Variants in GRIK2 observed in about 807,000 individuals in gnomAD.
GRIK2 encodes the protein glutamate ionotropic receptor kainate type subunit 2.
Under a neutral mutation model 100.3 loss-of-function variants are expected in GRIK2, and 32 were observed. That is an observed-to-expected ratio of 0.32 (90% CI 0.24 to 0.43). The LOEUF (loss-of-function observed/expected upper bound fraction) is 0.43. Among genes scored for constraint, GRIK2 ranks in the 20% least tolerant of loss-of-function variants. The pLI is 1.00. For missense variants in GRIK2, 843 were observed against 1,114.9 expected, an observed-to-expected ratio of 0.76 and a Z score of 3.47; for synonymous variants, 417 against 389.4, an observed-to-expected ratio of 1.07 and a Z score of -0.83.
rs76908781 is a variant in GRIK2, at chr6:101,482,319, C to T, written c.115+82927C>T. 6.7e-3 allele frequency among the ~76,000 whole-genome samples: 1,019 copies of T among 152,214 alleles called. 9 individuals are homozygous for T. The highest frequency in any genetic ancestry group is 0.023 in the African/African-American group (943 of 41,548). ...TGTTCCCTCTTCTTAATTGATTTAC[C>T]TGCTTTATCGACAGGCAAAACAGGG... On this transcript the variant is annotated intron_variant, in intron 2 of 16. Transcript: ENST00000369134.
intron 6 of GRIK2, among the ~76,000 whole-genome samples, chr6:101,685,264 T>G (rs1457414403): frequency 6.6e-6 from 1 of 152,156 alleles, no homozygotes; most frequent in Non-Finnish European, 1.5e-5. Flanking sequence ...GATTCCTATG[T>G]TTTTCATAGC....
At chr6:101,851,395 A>T (rs774909819) in intron 10 of GRIK2, among the ~76,000 whole-genome samples, 1 of 152,012 alleles carries the variant, frequency 6.6e-6, no homozygotes, top group Non-Finnish European at 1.5e-5. Flanking sequence ...TCCTAACACC[A>T]ACTTTGATTA....
rs989158898 is a variant in GRIK2, at chr6:101,921,146, T to C, written c.1749-3455T>C. On this transcript the variant is annotated intron_variant, in intron 12 of 16. Coordinates refer to ENST00000369134, the MANE Select transcript of GRIK2 (RefSeq NM_021956.5). The stretch of plus-strand genomic sequence containing the variant: ...TTTTGGGTTATGAGGCAAAGAAATA[T>C]AAAGAATGGAAGTTGATTCAAAGGA... 1.7e-4 allele frequency among the ~76,000 whole-genome samples: 26 copies of C among 152,006 alleles called. 1 individual carries two copies. The highest frequency in any genetic ancestry group is 3.9e-4 in the Admixed American group (6 of 15,246).
chr6:101,545,670 A>T (rs1776197182), intron 2 of GRIK2, among the ~76,000 whole-genome samples: 1 of 152,148 alleles, frequency 6.6e-6, no homozygotes. Context: ...ATATACTATT[A>T]TTTCATACAA....
At chr6:101,654,738 G>A (rs1781975613) in intron 4 of GRIK2, among the ~76,000 whole-genome samples, 1 of 152,050 alleles carries the variant, frequency 6.6e-6, no homozygotes, top group Admixed American at 6.6e-5. Context: ...TCTCACAGCT[G>A]AGACCTGGGT....
At chr6:101,621,511 A>G (rs1240920487) in intron 2 of GRIK2, among the ~76,000 whole-genome samples, 20 of 152,002 alleles carry the variant, frequency 1.3e-4, no homozygotes, top group Admixed American at 1.3e-3. Flanking sequence ...AATTTAACAC[A>G]TTTTTTTCAA....
intron 12 of GRIK2, 42 bp from the exon 13 acceptor site, chr6:101,924,559 A>G (rs1250797167): frequency 9.1e-6 from 9 of 984,558 alleles, no homozygotes; most frequent in South Asian, 2.7e-5. Context: ...ATTTCTTCCC[A>G]CTGCAATTTA....
chr6:101,499,752 A>G (rs1004053142), intron 2 of GRIK2, among the ~76,000 whole-genome samples: 1 of 152,100 alleles, frequency 6.6e-6, no homozygotes, highest in Non-Finnish European at 1.5e-5. Flanking sequence ...CTTATATACT[A>G]TGTTAGGTTT....
intron 4 of GRIK2, among the ~76,000 whole-genome samples, chr6:101,633,972 T>A (rs1780888814): frequency 1.3e-5 from 2 of 152,152 alleles, no homozygotes; most frequent in Non-Finnish European, 1.5e-5. Context: ...ATGTTAGTTG[T>A]TGTTTTATTT....
intron 3 of GRIK2, among the ~76,000 whole-genome samples, chr6:101,624,551 A>C (rs2128317886): frequency 6.6e-6 from 1 of 152,268 alleles, no homozygotes; most frequent in Admixed American, 6.5e-5. Flanking sequence ...TTATGGAGAA[A>C]ACTGAGGGAA....
chr6:101,598,223 A>C (rs577062246), intron 2 of GRIK2, among the ~76,000 whole-genome samples: 1 of 151,616 alleles, frequency 6.6e-6, no homozygotes, highest in South Asian at 2.1e-4. Flanking sequence ...CTAGCTAGTC[A>C]CTTCAATACC....
At chr6:101,549,517 C>T (rs1776409095) in intron 2 of GRIK2, among the ~76,000 whole-genome samples, 1 of 151,880 alleles carries the variant, frequency 6.6e-6, no homozygotes, top group African/African-American at 2.4e-5. Context: ...ACCTTACTCA[C>T]CTTCCCAATA....
chr6:102,052,941 A>G (rs1221180543), intron 15 of GRIK2, among the ~76,000 whole-genome samples: 2 of 151,918 alleles, frequency 1.3e-5, no homozygotes, highest in Non-Finnish European at 2.9e-5. Flanking sequence ...GGTGGCGGGC[A>G]CCTGTCATCC....
At chr6:101,895,813 TTTA>T (rs1372424396) in intron 12 of GRIK2, among the ~76,000 whole-genome samples, 2 of 151,760 alleles carry the variant, frequency 1.3e-5, no homozygotes, top group Non-Finnish European at 3.0e-5. Flanking sequence ...GAAAAGCCTA[TTTA>T]TTATTATTCT....
At chr6:101,864,066 A>C (rs1011479393) in intron 11 of GRIK2, among the ~76,000 whole-genome samples, 3 of 149,664 alleles carry the variant, frequency 2.0e-5, no homozygotes, top group South Asian at 2.1e-4. Context: ...GAACCCGGGA[A>C]GCGGAGCTTG....
chr6:101,787,333 T>C (rs1228814667), intron 7 of GRIK2, among the ~76,000 whole-genome samples: 6 of 152,024 alleles, frequency 3.9e-5, no homozygotes, highest in African/African-American at 1.4e-4. Context: ...TATTATTTTT[T>C]TCTTCTACTA....
chr6:102,047,333 C>G (rs1157532234), intron 15 of GRIK2, among the ~76,000 whole-genome samples: 1 of 151,826 alleles, frequency 6.6e-6, no homozygotes, highest in African/African-American at 2.4e-5. Context: ...AGAGGCGACT[C>G]AAAATCAGAA....
chr6:101,396,253 C>G (rs1338701915), intron 1 of GRIK2, among the ~76,000 whole-genome samples: 1 of 149,406 alleles, frequency 6.7e-6, no homozygotes, highest in African/African-American at 2.5e-5. Context: ...CCCCCCCCCC[C>G]CAGGAAGTGA....
chr6:101,771,533 A>C (rs1043373400), intron 7 of GRIK2, among the ~76,000 whole-genome samples: 41 of 150,964 alleles, frequency 2.7e-4, no homozygotes, highest in African/African-American at 9.7e-4. Context: ...ATTTATTATT[A>C]TTTTTTATTA....
Sources: allele counts gnomAD v4.1 joint callset (sites outside exome capture counted in the v4.1 genomes callset), GRCh38; gene constraint gnomAD v4.1.1; transcripts MANE v1.5; gene names NCBI Gene and HGNC (gene_info 2026-07-23, HGNC 2026-07-21).